Variants in ATXN7L1 observed in about 807,000 individuals in gnomAD.
The protein encoded by ATXN7L1 is ataxin 7 like 1.
A neutral mutation model predicts 70.8 loss-of-function variants in ATXN7L1; 15 were observed. The ratio of observed to expected loss-of-function variants is 0.21; its 90% confidence interval spans 0.14 to 0.33. The LOEUF (loss-of-function observed/expected upper bound fraction) is 0.33, where lower values mean the gene tolerates loss of function less well. Among genes scored for constraint, ATXN7L1 ranks in the 10% least tolerant of loss-of-function variants. The pLI, the probability that ATXN7L1 is intolerant of heterozygous loss-of-function variation, is 1.00. For synonymous variants in ATXN7L1, 440 were observed against 445.1 expected, an observed-to-expected ratio of 0.99 and a Z score of 0.14; for missense variants, 975 against 1,097.1, an observed-to-expected ratio of 0.89 and a Z score of 1.57.
At chr7:105,811,982 C>A (rs1808496631) in intron 2 of ATXN7L1, among the ~76,000 whole-genome samples, 1 of 152,210 alleles carries the variant, frequency 6.6e-6, no homozygotes, top group Admixed American at 6.5e-5. Flanking sequence ...AAATTGTCTC[C>A]TCTGCCAGCT....
intron 10 of ATXN7L1, among the ~76,000 whole-genome samples, chr7:105,613,217 A>T (rs182217636): frequency 6.6e-6 from 1 of 152,246 alleles, no homozygotes. Flanking sequence ...CAGCTTCCTC[A>T]CCATACACAC....
At chr7:105,751,622 T>A (rs928359728) in intron 3 of ATXN7L1, among the ~76,000 whole-genome samples, 4 of 151,482 alleles carry the variant, frequency 2.6e-5, no homozygotes, top group Non-Finnish European at 5.9e-5. Context: ...GGCAACAGAG[T>A]GAGATCCTGT....
At chr7:105,788,830 A>C in intron 2 of ATXN7L1, 122 bp from the exon 3 acceptor site, 1 of 771,408 alleles carries the variant, frequency 1.3e-6, no homozygotes, top group Non-Finnish European at 2.2e-6. Flanking sequence ...AAAGGCAATA[A>C]TCTTTACTAA....
intron 2 of ATXN7L1, among the ~76,000 whole-genome samples, chr7:105,798,619 T>C (rs529049208): frequency 1.3e-5 from 2 of 152,356 alleles, no homozygotes; most frequent in Middle Eastern, 3.4e-3. Context: ...TATCTTCATC[T>C]TCCCCACCCT....
chr7:105,628,511 C>T (rs540815744), intron 7 of ATXN7L1, among the ~76,000 whole-genome samples: 9 of 151,900 alleles, frequency 5.9e-5, no homozygotes, highest in East Asian at 3.9e-4. Flanking sequence ...ATTGTGTGGC[C>T]GGGCGCAGTG....
chr7:105,636,602 G>T (rs1257636564), intron 7 of ATXN7L1, among the ~76,000 whole-genome samples: 1 of 152,164 alleles, frequency 6.6e-6, no homozygotes, highest in Non-Finnish European at 1.5e-5. Context: ...AGTCGGAGCA[G>T]ATCCTTCAGG....
intron 3 of ATXN7L1, among the ~76,000 whole-genome samples, chr7:105,767,371 T>C (rs1248642826): frequency 6.6e-6 from 1 of 152,086 alleles, no homozygotes; most frequent in Admixed American, 6.5e-5. Context: ...GCCAAGGCCA[T>C]GTATCCATCC....
chr7:105,823,640 C>A (rs1333414527), intron 2 of ATXN7L1, among the ~76,000 whole-genome samples: 1 of 152,186 alleles, frequency 6.6e-6, no homozygotes, highest in Non-Finnish European at 1.5e-5. Context: ...GGTTACTCCT[C>A]AATTTTATCT....
intron 2 of ATXN7L1, among the ~76,000 whole-genome samples, chr7:105,860,085 T>C (rs1032666547): frequency 1.4e-5 from 2 of 147,166 alleles, no homozygotes; most frequent in South Asian, 4.3e-4. Flanking sequence ...CTGGCCTGTA[T>C]ATTTCTTTAT....
At chr7:105,836,785 G>A (rs1289427372) in intron 2 of ATXN7L1, among the ~76,000 whole-genome samples, 1 of 152,208 alleles carries the variant, frequency 6.6e-6, no homozygotes, top group Non-Finnish European at 1.5e-5. Flanking sequence ...TTTAGGCTGG[G>A]TGTGGTGGTT....
At chr7:105,645,473 C>G (rs944375752) in intron 4 of ATXN7L1, among the ~76,000 whole-genome samples, 15 of 151,270 alleles carry the variant, frequency 9.9e-5, no homozygotes, top group Admixed American at 8.6e-4. Context: ...AGCAGCCTGG[C>G]CAACATGGTG....
intron 2 of ATXN7L1, among the ~76,000 whole-genome samples, chr7:105,867,649 A>G (rs1817677150): frequency 6.6e-6 from 1 of 152,250 alleles, no homozygotes; most frequent in Admixed American, 6.5e-5. Context: ...GTCACAGTAC[A>G]GGTATATCTG....
chr7:105,864,227 G>A (rs981698594), intron 2 of ATXN7L1, among the ~76,000 whole-genome samples: 1 of 151,952 alleles, frequency 6.6e-6, no homozygotes, highest in African/African-American at 2.4e-5. Flanking sequence ...AGGCCGAGGT[G>A]GGAGGATCAC....
At chr7:105,693,220 G>T (rs1044707244) in intron 3 of ATXN7L1, among the ~76,000 whole-genome samples, 13 of 150,714 alleles carry the variant, frequency 8.6e-5, no homozygotes, top group Non-Finnish European at 1.3e-4. Context: ...TAGAGACAAG[G>T]TTTCTCTCTT....
chr7:105,875,031 G>A (rs369052492), intron 2 of ATXN7L1: 9 of 152,512 alleles, frequency 5.9e-5, no homozygotes, highest in African/African-American at 2.2e-4. Flanking sequence ...TTAGCAGCAA[G>A]TGGCCCCCGG....
At chr7:105,854,469 C>A in intron 2 of ATXN7L1, among the ~76,000 whole-genome samples, 1 of 48,892 alleles carries the variant, frequency 2.0e-5, no homozygotes, top group East Asian at 4.3e-4. Flanking sequence ...AAAATTAGCT[C>A]TGAAAAAAAA....
At chr7:105,636,145 A>C (rs950947638) in intron 7 of ATXN7L1, among the ~76,000 whole-genome samples, 1 of 152,182 alleles carries the variant, frequency 6.6e-6, no homozygotes, top group African/African-American at 2.4e-5. Context: ...CTGTAATGTC[A>C]GCACTTTGGG....
At chr7:105,727,777 T>TACATATATATAC (rs1796072370) in intron 3 of ATXN7L1, among the ~76,000 whole-genome samples, 1 of 90,246 alleles carries the variant, frequency 1.1e-5, no homozygotes, top group Non-Finnish European at 2.0e-5. Flanking sequence ...TATATATATA[T>TACATATATATAC]ACACACACAT....
chr7:105,758,680 G>A (rs557657), intron 3 of ATXN7L1, among the ~76,000 whole-genome samples: 102,391 of 152,144 alleles, frequency 0.67, 35,869 homozygotes, highest in African/African-American at 0.88. Context: ...AGGGTCTACC[G>A]CAGAATGCAG....
Sources: gnomAD v4.1 joint callset for allele counts (sites outside exome capture counted in the v4.1 genomes callset) on GRCh38, gnomAD v4.1.1 for gene constraint, MANE v1.5 for transcripts, NCBI Gene and HGNC (gene_info 2026-07-23, HGNC 2026-07-21) for gene names.